The following ARMH3 variants were observed in gnomAD, a reference collection of about 807,000 sequenced individuals.
ARMH3 encodes armadillo-like helical domain-containing protein 3.
Under a neutral mutation model 99.1 loss-of-function variants are expected in ARMH3, and 60 were observed. The ratio of observed to expected loss-of-function variants is 0.61; its 90% CI spans 0.49 to 0.75. ARMH3 has a LOEUF of 0.75. Among genes scored for constraint, ARMH3 ranks in the 30% least tolerant of loss-of-function variants. The pLI, the probability that ARMH3 is intolerant of heterozygous loss-of-function variation, is 0.00. For synonymous variants in ARMH3, 285 were observed against 292.8 expected (o/e 0.97, Z 0.27); for missense variants, 679 against 843.1 (o/e 0.81, Z 2.41).
chr10:102,024,811 T>A, intron 6 of ARMH3, among the ~76,000 whole-genome samples: 1 of 149,230 alleles, frequency 6.7e-6, no homozygotes. Context: ...GGAGCAAGAC[T>A]CTGTCTCAAA....
chr10:101,928,801 G>A (rs1019789763), intron 23 of ARMH3, among the ~76,000 whole-genome samples: 36 of 152,274 alleles, frequency 2.4e-4, no homozygotes, highest in Non-Finnish European at 4.9e-4. Context: ...TGCGATCTCG[G>A]CTCACTGCAA....
chr10:102,035,528 G>A (rs375934689), intron 2 of ARMH3, among the ~76,000 whole-genome samples: 9 of 152,182 alleles, frequency 5.9e-5, no homozygotes, highest in South Asian at 2.1e-4. Context: ...CTCAGCCTGC[G>A]GAGTGCCTGC....
chr10:101,966,102 C>CTTTTTT (rs1047048779), intron 20 of ARMH3, among the ~76,000 whole-genome samples: 8 of 126,290 alleles, frequency 6.3e-5, no homozygotes, highest in Non-Finnish European at 1.0e-4. Flanking sequence ...TTTTTCTTTT[C>CTTTTTT]TTTTTTTTTT....
At chr10:102,011,275 G>A (rs2066623279) in intron 11 of ARMH3, among the ~76,000 whole-genome samples, 1 of 152,076 alleles carries the variant, frequency 6.6e-6, no homozygotes, top group African/African-American at 2.4e-5. Context: ...GGATCAAACA[G>A]CCATGGCAGA....
intron 19 of ARMH3, among the ~76,000 whole-genome samples, chr10:101,989,547 C>G (rs1166112648): frequency 6.6e-6 from 1 of 151,970 alleles, no homozygotes; most frequent in Non-Finnish European, 1.5e-5. Flanking sequence ...ATGGTGAAAC[C>G]CCATCTCTAG....
intron 20 of ARMH3, among the ~76,000 whole-genome samples, chr10:101,969,745 C>A (rs1373622750): frequency 1.3e-5 from 2 of 152,180 alleles, no homozygotes; most frequent in East Asian, 3.8e-4. Flanking sequence ...GGGGGCCTTT[C>A]TTCCTGCAGG....
intron 23 of ARMH3, among the ~76,000 whole-genome samples, chr10:101,908,757 G>C (rs530237516): frequency 6.7e-6 from 1 of 149,296 alleles, no homozygotes; most frequent in Non-Finnish European, 1.5e-5. Context: ...TCCGCCTCCC[G>C]AGTTCAAGCG....
chr10:102,004,743 GTAGGCAATCCTTAC>G (rs2066443189), intron 14 of ARMH3, among the ~76,000 whole-genome samples: 2 of 152,258 alleles, frequency 1.3e-5, no homozygotes, highest in Non-Finnish European at 1.5e-5. Context: ...ACAGAGACAA[GTAGGCAATCCTTAC>G]TACTTGCTCC....
chr10:101,885,030 T>G lies in ARMH3; in HGVS notation c.1860+4382A>C, dbSNP rs368449076. 2.0e-5 allele frequency among the ~76,000 whole-genome samples: 3 copies of G among 152,256 alleles called. No individual in the cohort carries two copies. The East Asian group carries it at 5.8e-4, about 29-fold the overall frequency. On this transcript the variant is annotated intron_variant, in intron 24 of 25. Transcript: ENST00000370033. ...TTGAAAAGAATTTCTCCAAAGATGA[T>G]CTACAAATGGCTAATATGTACATGA...
At chr10:101,956,523 C>A in intron 22 of ARMH3, 74 bp downstream of exon 22, 2 of 1,547,160 alleles carry the variant, frequency 1.3e-6, no homozygotes, top group Non-Finnish European at 1.8e-6. Flanking sequence ...GAGAATCTTT[C>A]GTAGTCTTTT....
chr10:101,968,083 C>T (rs1214590277), intron 20 of ARMH3, among the ~76,000 whole-genome samples: 1 of 152,090 alleles, frequency 6.6e-6, no homozygotes, highest in Middle Eastern at 3.2e-3. Context: ...TCTTCCATTC[C>T]CCATTTTCTT....
In ARMH3 at chr10:101,959,075, G is replaced by A. The variant is rs1233126426; in HGVS notation, c.1496-1343C>T. ...CCCGGCCCCAACTTGAGTTCTCTGGGGTTTCATAATGAAAAGGCAAATGAT... is the reference window on the plus strand; with the variant it reads ...CCCGGCCCCAACTTGAGTTCTCTGGAGTTTCATAATGAAAAGGCAAATGAT... On this transcript the variant is annotated intron_variant, in intron 20 of 25. Coordinates refer to ENST00000370033, the MANE Select transcript of ARMH3 (RefSeq NM_024541.3). Among the ~76,000 whole-genome samples the A allele has an allele frequency of 2.0e-5, 3 of 152,154 alleles. No homozygotes were observed. The East Asian group carries it at 5.8e-4, about 29-fold the overall frequency.
chr10:101,889,581 A>C, intron 23 of ARMH3, 91 bp from the exon 24 acceptor site: 1 of 1,192,098 alleles, frequency 8.4e-7, no homozygotes, highest in South Asian at 1.2e-5. Flanking sequence ...TCTGGTTTAG[A>C]GTACTAGAGC....
intron 5 of ARMH3, 57 bp from the exon 6 acceptor site, chr10:102,025,305 T>C (rs2066976925): frequency 7.1e-7 from 1 of 1,401,552 alleles, no homozygotes; most frequent in African/African-American, 1.4e-5. Flanking sequence ...CACCTTTGTC[T>C]AACTCTGGGT....
intron 1 of ARMH3, among the ~76,000 whole-genome samples, chr10:102,045,034 G>A (rs1455828460): frequency 2.0e-5 from 3 of 150,314 alleles, no homozygotes; most frequent in Admixed American, 1.3e-4. Context: ...TACTCGGGAC[G>A]CTGAAACAGG....
chr10:101,886,354 AC>A (rs747550897), intron 24 of ARMH3, among the ~76,000 whole-genome samples: 2 of 151,972 alleles, frequency 1.3e-5, no homozygotes, highest in East Asian at 3.9e-4. Context: ...CTTAAAAAAA[AC>A]AAAAATCAGC....
intron 24 of ARMH3, among the ~76,000 whole-genome samples, chr10:101,872,248 A>C (rs2067147581): frequency 6.9e-6 from 1 of 145,086 alleles, no homozygotes; most frequent in African/African-American, 2.5e-5. Flanking sequence ...TCTGTGTAAC[A>C]ACGTGTGTGT....
At chr10:101,849,915 C>G in intron 24 of ARMH3, 23 bp from the exon 25 acceptor site, 1 of 1,605,266 alleles carries the variant, frequency 6.2e-7, no homozygotes. Context: ...AAGGGCCAGG[C>G]AGGGCTTAGG....
intron 20 of ARMH3, among the ~76,000 whole-genome samples, chr10:101,972,932 A>T (rs891187591): frequency 6.6e-6 from 1 of 152,266 alleles, no homozygotes. Context: ...AATAGAGCTG[A>T]AAGTTCTGAA....
Sources: allele counts gnomAD v4.1 joint callset (sites outside exome capture counted in the v4.1 genomes callset), GRCh38; gene constraint gnomAD v4.1.1; transcripts MANE v1.5; gene names NCBI Gene and HGNC (gene_info 2026-07-23, HGNC 2026-07-21).